The following CALCR variants were observed in gnomAD, a reference collection of about 807,000 sequenced individuals.
CALCR encodes calcitonin receptor.
In CALCR, 47 loss-of-function variants were observed where a neutral mutation model predicts 59.5. That is an observed-to-expected ratio of 0.79 (90% CI 0.63 to 1.01). The LOEUF (loss-of-function observed/expected upper bound fraction) is 1.01, where lower values mean the gene tolerates loss of function less well. Among genes scored for constraint, CALCR ranks in the 50% least tolerant of loss-of-function variants. CALCR has a pLI of 0.00. For synonymous variants in CALCR, 213 were observed against 211.3 expected, an observed-to-expected ratio of 1.01 and a Z score of -0.07; for missense variants, 566 against 597.1, an observed-to-expected ratio of 0.95 and a Z score of 0.54.
chr7:93,571,413 A>G (rs1790001098), intron 2 of CALCR, among the ~76,000 whole-genome samples: 1 of 152,136 alleles, frequency 6.6e-6, no homozygotes, highest in Non-Finnish European at 1.5e-5. Context: ...AAAATATAAC[A>G]CATAGAACTT....
At chr7:93,555,756 T>C (rs1563019390) in intron 2 of CALCR, among the ~76,000 whole-genome samples, 1 of 152,166 alleles carries the variant, frequency 6.6e-6, no homozygotes, top group East Asian at 1.9e-4. Flanking sequence ...AGCTAACATA[T>C]AATCTGAAAT....
intron 8 of CALCR, among the ~76,000 whole-genome samples, chr7:93,459,884 G>A (rs1320805100): frequency 1.3e-5 from 2 of 152,144 alleles, no homozygotes; most frequent in East Asian, 3.9e-4. Context: ...TCAAATAGAA[G>A]GAGGACAGTC....
At chr7:93,448,519 A>G (rs926622080) in intron 8 of CALCR, among the ~76,000 whole-genome samples, 1 of 151,954 alleles carries the variant, frequency 6.6e-6, no homozygotes, top group African/African-American at 2.4e-5. Flanking sequence ...CTGCAAAAAT[A>G]AAGTTCAATG....
intron 13 of CALCR, among the ~76,000 whole-genome samples, chr7:93,428,892 T>C (rs1207983069): frequency 6.6e-6 from 1 of 152,052 alleles, no homozygotes; most frequent in Non-Finnish European, 1.5e-5. Context: ...TTTACAAGTA[T>C]CCAAGCAGGC....
intron 2 of CALCR, among the ~76,000 whole-genome samples, chr7:93,520,372 GC>G (rs1362271411): frequency 6.6e-6 from 1 of 151,936 alleles, no homozygotes; most frequent in Non-Finnish European, 1.5e-5. Context: ...AACATGTGTG[GC>G]ATTTTACCCA....
chr7:93,443,060 A>G (rs1256583818), intron 9 of CALCR, among the ~76,000 whole-genome samples: 1 of 151,984 alleles, frequency 6.6e-6, no homozygotes, highest in South Asian at 2.1e-4. Flanking sequence ...TCCCGAGCCA[A>G]TGCCATGTGC....
intron 13 of CALCR, among the ~76,000 whole-genome samples, chr7:93,430,588 T>G (rs1478080063): frequency 6.6e-6 from 1 of 152,224 alleles, no homozygotes; most frequent in Non-Finnish European, 1.5e-5. Flanking sequence ...TTTCTTAATT[T>G]TCTTAAATAA....
intron 2 of CALCR, among the ~76,000 whole-genome samples, chr7:93,528,227 T>C (rs1788728398): frequency 6.6e-6 from 1 of 152,190 alleles, no homozygotes; most frequent in Admixed American, 6.6e-5. Context: ...CCTAGAACAA[T>C]GTCTGTTCAA....
chr7:93,477,750 G>A, intron 4 of CALCR, 82 bp from the exon 5 acceptor site: 1 of 838,130 alleles, frequency 1.2e-6, no homozygotes, highest in South Asian at 1.4e-5. Context: ...GATATTACAA[G>A]TAGCTGAGCT....
At chr7:93,519,128 A>G (rs768423055) in intron 2 of CALCR, among the ~76,000 whole-genome samples, 1 of 152,000 alleles carries the variant, frequency 6.6e-6, no homozygotes, top group African/African-American at 2.4e-5. Context: ...TTTTAAACTT[A>G]TAGACCTTAA....
intron 2 of CALCR, among the ~76,000 whole-genome samples, chr7:93,504,534 A>G (rs1320644961): frequency 2.6e-5 from 4 of 152,158 alleles, no homozygotes; most frequent in Non-Finnish European, 4.4e-5. Context: ...GTGATCTGCC[A>G]TCTTGGGAAG....
chr7:93,491,438 G>A (rs1801074080), intron 2 of CALCR, among the ~76,000 whole-genome samples: 2 of 152,008 alleles, frequency 1.3e-5, no homozygotes, highest in South Asian at 4.1e-4. Flanking sequence ...CTTCTGCGCA[G>A]CAAAAGAAAC....
chr7:93,487,066 G>A (rs1800962489), intron 2 of CALCR, 59 bp from the exon 3 acceptor site: 1 of 870,396 alleles, frequency 1.1e-6, no homozygotes, highest in Non-Finnish European at 1.8e-6. Context: ...ATTGGCTATG[G>A]CATTTCATTT....
At chr7:93,561,504 G>T (rs527380582) in intron 2 of CALCR, among the ~76,000 whole-genome samples, 12 of 151,758 alleles carry the variant, frequency 7.9e-5, no homozygotes, top group African/African-American at 2.9e-4. Flanking sequence ...TGTGAGGCAG[G>T]GGACATAGGG....
intron 2 of CALCR, among the ~76,000 whole-genome samples, chr7:93,497,106 G>C (rs924439199): frequency 1.3e-4 from 20 of 151,488 alleles, no homozygotes; most frequent in Admixed American, 4.0e-4. Flanking sequence ...AGAAAGACTT[G>C]GCACTTTCTG....
At chr7:93,485,856 TC>T (rs1562992804) in intron 3 of CALCR, among the ~76,000 whole-genome samples, 1 of 151,672 alleles carries the variant, frequency 6.6e-6, no homozygotes, top group East Asian at 1.9e-4. Flanking sequence ...ATACTCATTA[TC>T]CAAATAGGTG....
Position 93,466,918 on chromosome 7 carries a change from C to T in CALCR, c.521+1797G>A, listed in dbSNP as rs145383511. The stretch of plus-strand genomic sequence containing the variant: ...TTAATTTCTTTGCTGATTTGGCTCT[C>T]ACATCTCCTCACTTATTTAAGTGAC... On this transcript the variant is annotated intron_variant, in intron 7 of 13. Coordinates refer to ENST00000426151, the MANE Select transcript of CALCR (RefSeq NM_001742.4). 7.2e-5 allele frequency among the ~76,000 whole-genome samples: 11 copies of T among 151,854 alleles called. No individual in the cohort carries two copies. The East Asian group carries it at 2.1e-3, about 30-fold the overall frequency.
chr7:93,557,571 G>C lies in CALCR; in HGVS notation c.-27+16718C>G, dbSNP rs191034291. Reference sequence around the variant, plus strand: ...GTTAGTTGACATATTATTATTTTCAGAAATTATCACCATATAGAAATTTTA... The same window carrying C: ...GTTAGTTGACATATTATTATTTTCACAAATTATCACCATATAGAAATTTTA... On this transcript the variant is annotated intron_variant, in intron 2 of 13. Transcript: ENST00000426151. 1.7e-3 allele frequency among the ~76,000 whole-genome samples: 264 copies of C among 151,852 alleles called. 2 individuals are homozygous for C. Among genetic ancestry groups the C allele is most frequent in the African/African-American group, 6.2e-3 (258 of 41,486 alleles).
intron 2 of CALCR, among the ~76,000 whole-genome samples, chr7:93,555,692 AT>A (rs1789583133): frequency 6.6e-6 from 1 of 152,174 alleles, no homozygotes; most frequent in Non-Finnish European, 1.5e-5. Flanking sequence ...AGTGGCATAG[AT>A]TAAGCACAGC....
Sources: gnomAD v4.1 joint callset for allele counts (sites outside exome capture counted in the v4.1 genomes callset) on GRCh38, gnomAD v4.1.1 for gene constraint, MANE v1.5 for transcripts, NCBI Gene and HGNC (gene_info 2026-07-23, HGNC 2026-07-21) for gene names.